The following EIF5A2 variants were observed in gnomAD, a reference collection of about 807,000 sequenced individuals.
EIF5A2 encodes the protein eukaryotic translation initiation factor 5A2.
In EIF5A2, 15 loss-of-function variants were observed where a neutral mutation model predicts 16.4. That is an observed-to-expected ratio of 0.92 (90% CI 0.61 to 1.41). The LOEUF is 1.41. Among genes scored for constraint, EIF5A2 ranks in the 40% most tolerant of loss-of-function variants. The probability of loss-of-function intolerance (pLI) is 0.00; values close to 1 mark genes in which losing one functional copy is unlikely to be tolerated. For synonymous variants in EIF5A2, 48 were observed against 61.1 expected, an observed-to-expected ratio of 0.79 and a Z score of 1.00; for missense variants, 144 against 189.5, an observed-to-expected ratio of 0.76 and a Z score of 1.41.
intron 3 of EIF5A2, among the ~76,000 whole-genome samples, chr3:170,896,510 T>G (rs1486581488): frequency 1.3e-5 from 2 of 152,094 alleles, no homozygotes; most frequent in Admixed American, 1.3e-4. Context: ...AGTGAGTGAG[T>G]TCTCTTCAAA....
Position 170,890,963 on chromosome 3 carries a change from T to C in EIF5A2, c.*2397A>G, listed in dbSNP as rs899270645. 6.6e-6 allele frequency: 1 copy of C among 152,608 alleles called. No homozygotes were observed. The highest frequency in any genetic ancestry group is 2.4e-5 in the African/African-American group (1 of 41,458). The allele number at this position is 152,608 out of a possible 1,614,324, so 9.5% of individuals were successfully genotyped here. A position where few individuals can be genotyped will look rare whatever the true frequency, so the allele number is the denominator to read the frequency against. On this transcript the variant is annotated 3_prime_UTR_variant, in exon 5 of 5. Transcript: ENST00000295822. ...CCCATATCTTTAAAATCTATACTTA[T>C]ATATCGAGTATTTACACTTCATATA...
In EIF5A2 at chr3:170,894,464, A is replaced by G. The variant is rs564826372; in HGVS notation, c.271-41T>C. 78 of 1,597,274 alleles carry G rather than the reference A, an allele frequency of 4.9e-5. 3 individuals are homozygous for G. In the South Asian group the frequency reaches 6.7e-4, roughly 14 times the overall value. On this transcript the variant is annotated intron_variant, in intron 3 of 4. Coordinates refer to ENST00000295822, the MANE Select transcript of EIF5A2 (RefSeq NM_020390.6). The stretch of plus-strand genomic sequence containing the variant: ...ATATCATTTGTGCTGATTAGATTAT[A>G]TCCACTTCTGTGTAATGCTTACATA...
chr3:170,903,242 A>C (rs1290346535), intron 3 of EIF5A2, among the ~76,000 whole-genome samples: 2 of 152,182 alleles, frequency 1.3e-5, no homozygotes, highest in African/African-American at 4.8e-5. Context: ...TTCCTGTCAT[A>C]GTATCTCACA....
At chr3:170,902,735 A>T (rs1328700509) in intron 3 of EIF5A2, among the ~76,000 whole-genome samples, 1 of 150,926 alleles carries the variant, frequency 6.6e-6, no homozygotes, top group African/African-American at 2.4e-5. Flanking sequence ...TAGCCTCCTG[A>T]GTAGCTGGGA....
At position 170,893,152 on chromosome 3, in the gene EIF5A2, A is replaced by T; in HGVS notation, c.*208T>A. ...AAACCACAGGAATATTATAGGAAACATATCTACAAAATTCAAAAAAAATTA... is the reference window on the plus strand; with the variant it reads ...AAACCACAGGAATATTATAGGAAACTTATCTACAAAATTCAAAAAAAATTA... On this transcript the variant is annotated 3_prime_UTR_variant, in exon 5 of 5. Coordinates refer to ENST00000295822, the MANE Select transcript of EIF5A2 (RefSeq NM_020390.6). 2.2e-6 allele frequency: 1 copy of T among 461,320 alleles called. No homozygotes were observed. The allele number at this position is 461,320 out of a possible 1,614,324, so 28.6% of individuals were successfully genotyped here.
rs547453224 is a variant in EIF5A2, at chr3:170,898,379, CAT to C, written c.271-3958_271-3957del. The stretch of plus-strand genomic sequence containing the variant: ...ATCTCATCTTGAATTATAATCCCCA[CAT>C]GTCAAGGGAGGAACCTGGTAGGAGG... On this transcript the variant is annotated intron_variant, in intron 3 of 4. Transcript: ENST00000295822. Among the ~76,000 whole-genome samples, 17 of 152,304 alleles carry C rather than the reference CAT, an allele frequency of 1.1e-4. 1 individual carries two copies. In the Middle Eastern group the frequency reaches 0.02, roughly 183 times the overall value.
chr3:170,895,025 C>CAAAA (rs748111786), intron 3 of EIF5A2, among the ~76,000 whole-genome samples: 7 of 60,748 alleles, frequency 1.2e-4, no homozygotes, highest in Admixed American at 2.0e-4. Context: ...GACTCTGTCT[C>CAAAA]AAAAAAAAAA....
chr3:170,904,261 C>T (rs558593656), intron 3 of EIF5A2, among the ~76,000 whole-genome samples: 50 of 152,288 alleles, frequency 3.3e-4, no homozygotes, highest in African/African-American at 1.2e-3. Context: ...TTTTAAAACA[C>T]ATAAAATTAA....
chr3:170,894,326 A>G lies in EIF5A2; in HGVS notation c.368T>C (p.Ile123Thr). The G allele has an allele frequency of 6.2e-7, 1 of 1,613,832 alleles. No individual in the cohort carries two copies. The highest frequency in any genetic ancestry group is 8.5e-7 in the Non-Finnish European group (1 of 1,179,892). The change falls in exon 4 of 5, where the codon ATA becomes ACA. Residue 123 changes from isoleucine (I) to threonine (T), a missense_variant. By Grantham distance (89) the Ile-to-Thr change is moderately conservative (BLOSUM62 -1). Coordinates refer to ENST00000295822, the MANE Select transcript of EIF5A2 (RefSeq NM_020390.6). Reference protein sequence around the residue: ...KLPEGELGKEIEGKYNAGEDV... With the variant: ...KLPEGELGKETEGKYNAGEDV... ...TTCACCTGCATTGTATTTTCCCTCT[A>G]TTTCTTTGCCTAGTTCACCTTCTGG...
chr3:170,907,013 T>C lies in EIF5A2; in HGVS notation c.246A>G (p.Pro82=). The C allele has an allele frequency of 6.2e-7, 1 of 1,608,164 alleles. No individual in the cohort carries two copies. Among genetic ancestry groups the C allele is most frequent in the East Asian group, 2.2e-5 (1 of 44,738 alleles). Residue 82 remains proline (P), a synonymous_variant, in exon 3 of 5, where the codon CCA becomes CCG. Coordinates refer to ENST00000295822, the MANE Select transcript of EIF5A2 (RefSeq NM_020390.6). The stretch of plus-strand genomic sequence containing the variant: ...CTTGATAATCATTTCTCTTAATATT[T>C]GGAACATCCATGTTGTGAGTAGAAG... The part of the protein sequence containing the change: ...ICPSTHNMDV[P]NIKRNDYQLI...
rs67417067 is a variant in EIF5A2, at chr3:170,889,048, C to CTTTTTTTTTT, written c.*4302_*4311dup. ...ACTTCATATAAATACAATAACCTGT[C>CTTTTTTTTTT]TTTTTTTTTTTTTTTTTTTTTTTGT... On this transcript the variant is annotated 3_prime_UTR_variant, in exon 5 of 5. Transcript: ENST00000295822. 2.5e-3 allele frequency: 238 copies of CTTTTTTTTTT among 96,150 alleles called. 10 individuals carry two copies. The highest frequency in any genetic ancestry group is 4.8e-3 in the African/African-American group (117 of 24,296). 6.0% of individuals were successfully genotyped at this position (96,150 alleles called of 1,614,324 possible).
rs2108290007 is a variant in EIF5A2 at position 170,889,126 on chromosome 3, T to C, written c.*4234A>G. ...GGAGAATAGTGGTAGATGGCAAAGTTGGCAACAAGTATGTTTCTAGCAGGT... is the reference window on the plus strand; with the variant it reads ...GGAGAATAGTGGTAGATGGCAAAGTCGGCAACAAGTATGTTTCTAGCAGGT... On this transcript the variant is annotated 3_prime_UTR_variant, in exon 5 of 5. Transcript: ENST00000295822. 1 of 126,864 alleles carries C rather than the reference T, an allele frequency of 7.9e-6. No homozygotes were observed. Among genetic ancestry groups the C allele is most frequent in the African/African-American group, 3.0e-5 (1 of 33,412 alleles). 7.9% of individuals were successfully genotyped at this position (126,864 alleles called of 1,614,324 possible). A position where few individuals can be genotyped will look rare whatever the true frequency, so the allele number is the denominator to read the frequency against.
In EIF5A2 at chr3:170,905,054, C is replaced by T. The variant is rs192642184; in HGVS notation, c.270+1935G>A. Among the ~76,000 whole-genome samples, 295 of 152,276 alleles carry T rather than the reference C, an allele frequency of 1.9e-3. 2 individuals are homozygous for T. Among genetic ancestry groups the T allele is most frequent in the African/African-American group, 6.9e-3 (287 of 41,540 alleles). On this transcript the variant is annotated intron_variant, in intron 3 of 4. Coordinates refer to ENST00000295822, the MANE Select transcript of EIF5A2 (RefSeq NM_020390.6). ...GGGTTGGGACAAGGGTGAAGTAAGA[C>T]ACTTGTCTTGGGTGCAAAATTAAAG...
intron 3 of EIF5A2, among the ~76,000 whole-genome samples, chr3:170,905,984 A>G (rs1277331112): frequency 6.6e-6 from 1 of 152,214 alleles, no homozygotes; most frequent in Non-Finnish European, 1.5e-5. Flanking sequence ...GTGAAAATAT[A>G]AAAGTGTTTA....
Position 170,891,448 on chromosome 3 carries a change from T to C in EIF5A2, c.*1912A>G, listed in dbSNP as rs1192358934. ...TTTCTTGTGCTTTAGAAATTTCCTT[T>C]GTATTTCTCTTAAAGTATCTTGCTT... On this transcript the variant is annotated 3_prime_UTR_variant, in exon 5 of 5. Coordinates refer to ENST00000295822, the MANE Select transcript of EIF5A2 (RefSeq NM_020390.6). 1 of 152,662 alleles carries C rather than the reference T, an allele frequency of 6.6e-6. No individual in the cohort carries two copies. Among genetic ancestry groups the C allele is most frequent in the Non-Finnish European group, 1.5e-5 (1 of 68,028 alleles). The allele number at this position is 152,662 out of a possible 1,614,324, so 9.5% of individuals were successfully genotyped here.
intron 4 of EIF5A2, among the ~76,000 whole-genome samples, chr3:170,893,908 C>G (rs375975917): frequency 6.6e-6 from 1 of 152,200 alleles, no homozygotes. Context: ...TGGCACGCGC[C>G]TGCAATCCCA....
intron 3 of EIF5A2, among the ~76,000 whole-genome samples, chr3:170,899,212 G>A (rs1009221284): frequency 6.6e-6 from 1 of 151,806 alleles, no homozygotes; most frequent in African/African-American, 2.4e-5. Flanking sequence ...TAACTTTCAT[G>A]GTATCTTTTT....
rs184160743 is a variant in EIF5A2, at chr3:170,899,400, T to A, written c.271-4977A>T. Among the ~76,000 whole-genome samples the A allele has an allele frequency of 4.9e-4, 75 of 152,106 alleles. 3 individuals carry two copies. The East Asian group carries it at 0.013, about 27-fold the overall frequency. ...ATACAACCACTATGCCTGTTGGGATTTTTTTTATTTTTTATTTTTTTAATT... is the reference window on the plus strand; with the variant it reads ...ATACAACCACTATGCCTGTTGGGATATTTTTTATTTTTTATTTTTTTAATT... On this transcript the variant is annotated intron_variant, in intron 3 of 4. Coordinates refer to ENST00000295822, the MANE Select transcript of EIF5A2 (RefSeq NM_020390.6).
intron 3 of EIF5A2, among the ~76,000 whole-genome samples, chr3:170,898,724 A>C (rs1025220426): frequency 6.6e-6 from 1 of 152,170 alleles, no homozygotes; most frequent in African/African-American, 2.4e-5. Context: ...AAAAATCTTA[A>C]GTTCTATAGA....
Sources: allele counts gnomAD v4.1 joint callset (sites outside exome capture counted in the v4.1 genomes callset), GRCh38; gene constraint gnomAD v4.1.1; transcripts MANE v1.5; gene names NCBI Gene and HGNC (gene_info 2026-07-23, HGNC 2026-07-21).